Variants in CDH12 observed in about 807,000 individuals in gnomAD.
CDH12 encodes cadherin-12.
Under a neutral mutation model 74.1 loss-of-function variants are expected in CDH12, and 41 were observed. That is an observed-to-expected ratio of 0.55 (90% CI 0.43 to 0.72). CDH12 has a LOEUF of 0.72. Among genes scored for constraint, CDH12 ranks in the 30% least tolerant of loss-of-function variants. The pLI, the probability that CDH12 is intolerant of heterozygous loss-of-function variation, is 0.00. For missense variants in CDH12, 945 were observed against 977.2 expected (o/e 0.97, Z 0.44); for synonymous variants, 399 against 355.0 (o/e 1.12, Z -1.39).
intron 6 of CDH12, chr5:21,884,272 T>C (rs1752514164): frequency 6.8e-7 from 1 of 1,460,302 alleles, no homozygotes; most frequent in African/African-American, 1.4e-5. Flanking sequence ...ATGGGTGCAA[T>C]GGGTGGAATG....
At chr5:22,158,175 A>T (rs1408005750) in intron 4 of CDH12, among the ~76,000 whole-genome samples, 4 of 152,072 alleles carry the variant, frequency 2.6e-5, no homozygotes, top group African/African-American at 9.7e-5. Flanking sequence ...ATGCACCAAC[A>T]TTAACCTAGA....
chr5:21,791,262 C>T (rs1746482388), intron 10 of CDH12, among the ~76,000 whole-genome samples: 1 of 151,966 alleles, frequency 6.6e-6, no homozygotes, highest in African/African-American at 2.4e-5. Context: ...AGTATAGCAA[C>T]TGAGAGACAT....
chr5:22,307,421 T>C (rs188686356), intron 3 of CDH12, among the ~76,000 whole-genome samples: 1 of 152,340 alleles, frequency 6.6e-6, no homozygotes, highest in African/African-American at 2.4e-5. Context: ...TTGTTGATTC[T>C]CTGTAAAGGC....
At chr5:22,637,301 T>A (rs1315949689) in intron 1 of CDH12, among the ~76,000 whole-genome samples, 1 of 152,158 alleles carries the variant, frequency 6.6e-6, no homozygotes, top group Non-Finnish European at 1.5e-5. Context: ...TTCTGTAAAG[T>A]TATACCCTAT....
At chr5:22,738,157 A>T (rs1744837952) in intron 1 of CDH12, among the ~76,000 whole-genome samples, 2 of 151,982 alleles carry the variant, frequency 1.3e-5, no homozygotes, top group African/African-American at 4.8e-5. Flanking sequence ...CACAGCAAGG[A>T]TCTTGTCCAA....
At chr5:22,231,274 A>T (rs1212918551) in intron 3 of CDH12, among the ~76,000 whole-genome samples, 1 of 152,118 alleles carries the variant, frequency 6.6e-6, no homozygotes. Context: ...TTTGAATTAA[A>T]CCACATATAT....
chr5:22,771,199 C>A (rs938107137), intron 1 of CDH12, among the ~76,000 whole-genome samples: 2 of 151,968 alleles, frequency 1.3e-5, no homozygotes, highest in Admixed American at 6.6e-5. Flanking sequence ...ATTCTCTGTC[C>A]CCAAGAGTAT....
intron 5 of CDH12, among the ~76,000 whole-genome samples, chr5:22,075,029 T>C (rs191840844): frequency 2.1e-4 from 32 of 152,230 alleles, no homozygotes; most frequent in Non-Finnish European, 2.9e-5. Flanking sequence ...ATTGTGGCAC[T>C]ATTCACAATA....
At chr5:22,799,102 G>A (rs551791529) in intron 1 of CDH12, among the ~76,000 whole-genome samples, 64 of 152,146 alleles carry the variant, frequency 4.2e-4, no homozygotes, top group African/African-American at 1.5e-3. Context: ...GGGTGACAGA[G>A]CCAGACCCAG....
intron 8 of CDH12, among the ~76,000 whole-genome samples, chr5:21,835,171 G>A (rs1749460244): frequency 6.6e-6 from 1 of 151,832 alleles, no homozygotes; most frequent in African/African-American, 2.4e-5. Context: ...AACAAAGTCA[G>A]CAGTACATTG....
chr5:22,400,326 G>A (rs1742674991), intron 3 of CDH12, among the ~76,000 whole-genome samples: 1 of 152,072 alleles, frequency 6.6e-6, no homozygotes, highest in Non-Finnish European at 1.5e-5. Context: ...AAAGAGGACT[G>A]TATATTATAT....
intron 1 of CDH12, among the ~76,000 whole-genome samples, chr5:22,706,409 C>A (rs547225856): frequency 6.6e-6 from 1 of 152,056 alleles, no homozygotes; most frequent in East Asian, 1.9e-4. Flanking sequence ...AACATATACA[C>A]AAACTAAAAA....
chr5:22,342,707 T>C (rs1338680048), intron 3 of CDH12, among the ~76,000 whole-genome samples: 2 of 149,164 alleles, frequency 1.3e-5, no homozygotes, highest in East Asian at 4.0e-4. Context: ...CTTTTTTCTT[T>C]CCTTCCCTCT....
In CDH12 at chr5:21,880,612, C is replaced by CTCTCTTTCTTTCT. The variant is rs1561268318; in HGVS notation, c.527-25823_527-25822insAGAAAGAAAGAGA. Among the ~76,000 whole-genome samples the CTCTCTTTCTTTCT allele has an allele frequency of 4.9e-4, 34 of 69,928 alleles. 1 individual carries two copies. The highest frequency in any genetic ancestry group is 2.2e-3 in the African/African-American group (33 of 15,252). 45.9% of individuals were successfully genotyped at this position (69,928 alleles called of 152,430 possible). On this transcript the variant is annotated intron_variant, in intron 6 of 14. Transcript: ENST00000382254. ...CCTTCCTTCCTTCCTTCCTTCCTTC[C>CTCTCTTTCTTTCT]TTCCTTCTTTCTTTCTTTCTTTCTT...
intron 6 of CDH12, among the ~76,000 whole-genome samples, chr5:21,906,972 C>T (rs1251548262): frequency 1.4e-4 from 22 of 152,154 alleles, no homozygotes. Flanking sequence ...CCACTGCGCC[C>T]AGGCAATAGT....
At chr5:21,946,620 C>T (rs1755590470) in intron 6 of CDH12, among the ~76,000 whole-genome samples, 1 of 152,142 alleles carries the variant, frequency 6.6e-6, no homozygotes, top group Non-Finnish European at 1.5e-5. Context: ...AAATCATGTA[C>T]AATCATGCAC....
chr5:22,796,151 A>C (rs551157247), intron 1 of CDH12, among the ~76,000 whole-genome samples: 65 of 152,304 alleles, frequency 4.3e-4, no homozygotes, highest in African/African-American at 1.5e-3. Flanking sequence ...TTGCAATAAT[A>C]TACAAGTGCT....
At chr5:22,356,411 T>G (rs532351372) in intron 3 of CDH12, among the ~76,000 whole-genome samples, 3 of 152,166 alleles carry the variant, frequency 2.0e-5, no homozygotes, top group Non-Finnish European at 4.4e-5. Context: ...CCATTTACAA[T>G]GAGTATGTAG....
At chr5:22,437,273 T>C in intron 2 of CDH12, among the ~76,000 whole-genome samples, 1 of 151,992 alleles carries the variant, frequency 6.6e-6, no homozygotes, top group Middle Eastern at 3.4e-3. Context: ...TCTACTTGGA[T>C]TTAGCACAAC....
Sources: allele counts gnomAD v4.1 joint callset (sites outside exome capture counted in the v4.1 genomes callset), GRCh38; gene constraint gnomAD v4.1.1; transcripts MANE v1.5; gene names NCBI Gene and HGNC (gene_info 2026-07-23, HGNC 2026-07-21).